The following CERS6 variants were observed in gnomAD, a reference collection of about 807,000 sequenced individuals.
CERS6 encodes the protein LAG1 homolog, ceramide synthase 6.
Under a neutral mutation model 56.8 loss-of-function variants are expected in CERS6, and 26 were observed. That is an observed-to-expected ratio of 0.46 (90% CI 0.34 to 0.63). The LOEUF (loss-of-function observed/expected upper bound fraction) is 0.63, where lower values mean the gene tolerates loss of function less well. Among genes scored for constraint, CERS6 ranks in the 30% least tolerant of loss-of-function variants. The pLI is 0.01. For synonymous variants in CERS6, 164 were observed against 173.3 expected (o/e 0.95, Z 0.42); for missense variants, 415 against 467.5 (o/e 0.89, Z 1.04).
At chr2:168,645,422 G>A (rs1420072833) in intron 4 of CERS6, among the ~76,000 whole-genome samples, 1 of 151,514 alleles carries the variant, frequency 6.6e-6, no homozygotes, top group African/African-American at 2.4e-5. Context: ...TGAAGATAAT[G>A]AATATAGTTT....
At chr2:168,616,332 T>C (rs961880926) in intron 3 of CERS6, among the ~76,000 whole-genome samples, 4 of 151,832 alleles carry the variant, frequency 2.6e-5, no homozygotes, top group African/African-American at 9.7e-5. Context: ...AAAATAAAAA[T>C]CCAAGGTATA....
intron 8 of CERS6, among the ~76,000 whole-genome samples, chr2:168,763,138 A>G (rs1415402605): frequency 2.6e-5 from 4 of 152,016 alleles, no homozygotes; most frequent in South Asian, 2.1e-4. Flanking sequence ...AGCCCCCCCA[A>G]AGTGCTGGGA....
At chr2:168,699,872 A>G (rs892577261) in intron 6 of CERS6, among the ~76,000 whole-genome samples, 1 of 152,228 alleles carries the variant, frequency 6.6e-6, no homozygotes, top group African/African-American at 2.4e-5. Flanking sequence ...TTCTACTGCC[A>G]TCTAAAATTT....
chr2:168,695,032 T>G lies in CERS6; in HGVS notation c.590T>G (p.Phe197Cys). 1 of 1,612,952 alleles carries G rather than the reference T, an allele frequency of 6.2e-7. No homozygotes were observed. Among genetic ancestry groups the G allele is most frequent in the Non-Finnish European group, 8.5e-7 (1 of 1,179,080 alleles). The change falls in exon 6 of 10, where the codon TTC (phenylalanine) becomes TGC (cysteine). Residue 197 changes from phenylalanine (F) to cysteine (C), a missense_variant. Coordinates refer to ENST00000305747, the MANE Select transcript of CERS6 (RefSeq NM_203463.3). Reference sequence around the variant, plus strand: ...TATTGGTCTTTGATGTTTTCTCAGTTCACTGATATCAAAAGAAAGGTAAGA... The same window carrying G: ...TATTGGTCTTTGATGTTTTCTCAGTGCACTGATATCAAAAGAAAGGTAAGA... Reference protein sequence around the residue: ...SFYWSLMFSQFTDIKRKDFGI... With the variant: ...SFYWSLMFSQCTDIKRKDFGI...
chr2:168,596,041 G>A lies in CERS6; in HGVS notation c.407+34719G>A, dbSNP rs532991352. Among the ~76,000 whole-genome samples, 746 of 145,116 alleles carry A rather than the reference G, an allele frequency of 5.1e-3. 3 individuals carry two copies. Among genetic ancestry groups the A allele is most frequent in the Non-Finnish European group, 7.8e-3 (524 of 67,198 alleles). On this transcript the variant is annotated intron_variant, in intron 3 of 9. Coordinates refer to ENST00000305747, the MANE Select transcript of CERS6 (RefSeq NM_203463.3). ...AGGCAGGAGGATCATGTGAGCCCAG[G>A]AGTTCAAGACCAGCCTGGGCAACAA...
chr2:168,570,838 T>C (rs1327172667), intron 3 of CERS6, among the ~76,000 whole-genome samples: 1 of 152,146 alleles, frequency 6.6e-6, no homozygotes, highest in Non-Finnish European at 1.5e-5. Flanking sequence ...TGGGATTAAG[T>C]GAGGGGATGT....
At chr2:168,684,954 C>T (rs1686309298) in intron 4 of CERS6, among the ~76,000 whole-genome samples, 1 of 151,966 alleles carries the variant, frequency 6.6e-6, no homozygotes, top group Admixed American at 6.6e-5. Context: ...AAGCAAAAGG[C>T]ATAAGGTTTA....
intron 1 of CERS6, among the ~76,000 whole-genome samples, chr2:168,471,144 C>T (rs567697967): frequency 6.6e-6 from 1 of 152,180 alleles, no homozygotes; most frequent in Non-Finnish European, 1.5e-5. Flanking sequence ...CTGCTGAATC[C>T]TATTTGCCTA....
intron 1 of CERS6, among the ~76,000 whole-genome samples, chr2:168,491,510 G>T (rs1476136000): frequency 6.6e-6 from 1 of 151,868 alleles, no homozygotes; most frequent in Non-Finnish European, 1.5e-5. Context: ...TAATGAAAGT[G>T]ATAAATGCTT....
At chr2:168,634,501 C>T (rs768400885) in intron 4 of CERS6, among the ~76,000 whole-genome samples, 4 of 152,188 alleles carry the variant, frequency 2.6e-5, no homozygotes, top group Admixed American at 6.5e-5. Context: ...CAACCTACCC[C>T]TCCTGGGTTC....
At chr2:168,482,784 G>C (rs1226715500) in intron 1 of CERS6, among the ~76,000 whole-genome samples, 1 of 152,196 alleles carries the variant, frequency 6.6e-6, no homozygotes, top group African/African-American at 2.4e-5. Flanking sequence ...CAGGATGAAG[G>C]CTGTGTACAT....
At chr2:168,465,799 T>C (rs1693860810) in intron 1 of CERS6, among the ~76,000 whole-genome samples, 1 of 152,162 alleles carries the variant, frequency 6.6e-6, no homozygotes, top group African/African-American at 2.4e-5. Flanking sequence ...CACAACAATG[T>C]GAATGTACTT....
chr2:168,627,247 A>G (rs529245110), intron 3 of CERS6, among the ~76,000 whole-genome samples: 9 of 152,306 alleles, frequency 5.9e-5, no homozygotes, highest in African/African-American at 1.7e-4. Context: ...AAACAAGAGC[A>G]TTTAATTTGG....
At chr2:168,767,872 A>G (rs536319215) in intron 9 of CERS6, among the ~76,000 whole-genome samples, 1 of 152,176 alleles carries the variant, frequency 6.6e-6, no homozygotes, top group South Asian at 2.1e-4. Flanking sequence ...TCACAGGAGG[A>G]CCAGATTGGG....
At chr2:168,549,350 G>T (rs1256721887) in intron 2 of CERS6, among the ~76,000 whole-genome samples, 1 of 152,094 alleles carries the variant, frequency 6.6e-6, no homozygotes, top group Non-Finnish European at 1.5e-5. Context: ...AAGAATACTT[G>T]CTTTGGCTGG....
chr2:168,588,750 T>TTTTG lies in CERS6; in HGVS notation c.407+27445_407+27448dup, dbSNP rs372275643. ...TTGTTCAAGACCCTGCTTTCAGTTCTTTTGTTTGTTTGTTTGTTTGAGACA... is the reference window on the plus strand; with the variant it reads ...TTGTTCAAGACCCTGCTTTCAGTTCTTTTGTTTGTTTGTTTGTTTGTTTGAGACA... On this transcript the variant is annotated intron_variant, in intron 3 of 9. Coordinates refer to ENST00000305747, the MANE Select transcript of CERS6 (RefSeq NM_203463.3). 1.2e-3 allele frequency among the ~76,000 whole-genome samples: 181 copies of TTTTG among 152,334 alleles called. 1 individual carries two copies. The highest frequency in any genetic ancestry group is 4.1e-3 in the African/African-American group (170 of 41,566).
intron 8 of CERS6, among the ~76,000 whole-genome samples, chr2:168,751,438 T>C (rs1684265181): frequency 6.6e-6 from 1 of 152,204 alleles, no homozygotes; most frequent in Non-Finnish European, 1.5e-5. Flanking sequence ...TTGAGGAATC[T>C]CATTCTTCCT....
intron 8 of CERS6, among the ~76,000 whole-genome samples, chr2:168,746,340 A>G (rs1684094839): frequency 6.6e-6 from 1 of 152,126 alleles, no homozygotes; most frequent in South Asian, 2.1e-4. Flanking sequence ...TTTTATTGCT[A>G]CTTATCATCA....
At chr2:168,714,734 A>C (rs75359850) in intron 6 of CERS6, among the ~76,000 whole-genome samples, 5,216 of 152,250 alleles carry the variant, frequency 0.034, 122 homozygotes, top group Middle Eastern at 0.072. Flanking sequence ...CACAGCTAGA[A>C]GTCACCATCT....
Sources: allele counts gnomAD v4.1 joint callset (sites outside exome capture counted in the v4.1 genomes callset), GRCh38; gene constraint gnomAD v4.1.1; transcripts MANE v1.5; gene names NCBI Gene and HGNC (gene_info 2026-07-23, HGNC 2026-07-21).